Variants in GLIS3 observed in about 807,000 individuals in gnomAD.
GLIS3 encodes the protein GLIS family zinc finger 3, also known as zinc finger protein GLIS3.
In GLIS3, 53 loss-of-function variants were observed where a neutral mutation model predicts 78.6. That is an observed-to-expected ratio of 0.67 (90% CI 0.54 to 0.85). The LOEUF (loss-of-function observed/expected upper bound fraction) is 0.85, where lower values mean the gene tolerates loss of function less well. Among genes scored for constraint, GLIS3 ranks in the 40% least tolerant of loss-of-function variants. The pLI is 0.00. For missense variants in GLIS3, 1,703 were observed against 1,231.1 expected, an observed-to-expected ratio of 1.38 and a Z score of -5.74; for synonymous variants, 684 against 509.9, an observed-to-expected ratio of 1.34 and a Z score of -4.60.
chr9:3,957,006 G>A (rs866793389), intron 4 of GLIS3, among the ~76,000 whole-genome samples: 3 of 152,154 alleles, frequency 2.0e-5, no homozygotes, highest in African/African-American at 7.2e-5. Flanking sequence ...CCTGGAACTC[G>A]CAGCATGGCA....
At chr9:4,008,235 T>C (rs1459460869) in intron 4 of GLIS3, among the ~76,000 whole-genome samples, 1 of 152,108 alleles carries the variant, frequency 6.6e-6, no homozygotes, top group Non-Finnish European at 1.5e-5. Context: ...CAGCAATACA[T>C]CCTGCTTAGC....
At chr9:4,127,701 T>G (rs991957904) in intron 2 of GLIS3, among the ~76,000 whole-genome samples, 3 of 152,230 alleles carry the variant, frequency 2.0e-5, no homozygotes, top group Non-Finnish European at 1.5e-5. Flanking sequence ...GAATGAATTC[T>G]CTATATGAAT....
chr9:4,180,037 C>G (rs1221011273), intron 2 of GLIS3, among the ~76,000 whole-genome samples: 1 of 152,042 alleles, frequency 6.6e-6, no homozygotes, highest in Non-Finnish European at 1.5e-5. Context: ...ATTGTTTATG[C>G]CATTTGACGG....
chr9:4,180,287 A>G (rs1817189926), intron 2 of GLIS3, among the ~76,000 whole-genome samples: 1 of 152,194 alleles, frequency 6.6e-6, no homozygotes, highest in South Asian at 2.1e-4. Context: ...TAGGTCAGCA[A>G]TGATCCTACC....
intron 4 of GLIS3, among the ~76,000 whole-genome samples, chr9:4,041,674 C>G (rs1183775949): frequency 1.3e-5 from 2 of 152,268 alleles, no homozygotes; most frequent in Admixed American, 1.3e-4. Flanking sequence ...TATTTCTGTT[C>G]TCTGGAATCT....
chr9:4,354,079 G>A, the GLIS3 span, among the ~76,000 whole-genome samples: 9 of 150,068 alleles, frequency 6.0e-5, no homozygotes, highest in South Asian at 4.2e-4. Flanking sequence ...CTCGTGATCC[G>A]CCTGCCTCAG....
chr9:4,059,648 C>A (rs1826456547), intron 4 of GLIS3, among the ~76,000 whole-genome samples: 1 of 152,160 alleles, frequency 6.6e-6, no homozygotes, highest in African/African-American at 2.4e-5. Context: ...TTATTCTAAA[C>A]AGCCAACATG....
chr9:4,124,257 C>T (rs1395687617), intron 3 of GLIS3, among the ~76,000 whole-genome samples: 1 of 152,098 alleles, frequency 6.6e-6, no homozygotes, highest in African/African-American at 2.4e-5. Context: ...GTCAGTGAAT[C>T]GTTAAGGTGT....
chr9:4,221,438 A>G (rs1173330324), intron 2 of GLIS3, among the ~76,000 whole-genome samples: 1 of 152,236 alleles, frequency 6.6e-6, no homozygotes, highest in African/African-American at 2.4e-5. Flanking sequence ...CATGTGCAAA[A>G]CACATGTATC....
the GLIS3 span, among the ~76,000 whole-genome samples, chr9:4,406,266 G>T: frequency 1.5e-4 from 23 of 152,314 alleles, no homozygotes; most frequent in African/African-American, 5.3e-4. Flanking sequence ...ATCCCAACTG[G>T]AAAGGAAGAA....
At chr9:4,014,925 G>C (rs761437651) in intron 4 of GLIS3, among the ~76,000 whole-genome samples, 1 of 152,084 alleles carries the variant, frequency 6.6e-6, no homozygotes, top group Non-Finnish European at 1.5e-5. Flanking sequence ...CTCTTTCTGA[G>C]GTCACTGCGC....
chr9:4,447,104 G>A, the GLIS3 span, among the ~76,000 whole-genome samples: 5 of 151,834 alleles, frequency 3.3e-5, no homozygotes, highest in African/African-American at 1.2e-4. Context: ...CTGGAATTCA[G>A]TGGCACAATC....
the GLIS3 span, among the ~76,000 whole-genome samples, chr9:4,365,522 C>T: frequency 1.3e-5 from 2 of 151,850 alleles, no homozygotes; most frequent in Admixed American, 1.3e-4. Flanking sequence ...TGCCACTGCA[C>T]TCCAGCCTGG....
At chr9:4,478,576 A>G in the GLIS3 span, among the ~76,000 whole-genome samples, 5 of 151,756 alleles carry the variant, frequency 3.3e-5, no homozygotes, top group African/African-American at 1.2e-4. Context: ...GTGCCACTGC[A>G]TTCCAGCCTG....
chr9:3,893,436 G>A (rs17693511), intron 7 of GLIS3, among the ~76,000 whole-genome samples: 6,124 of 152,252 alleles, frequency 0.04, 147 homozygotes, highest in Middle Eastern at 0.065. Flanking sequence ...GGGAATCAGA[G>A]TCTTCATTTT....
At chr9:4,254,885 C>T (rs1304106435) in intron 2 of GLIS3, among the ~76,000 whole-genome samples, 1 of 150,694 alleles carries the variant, frequency 6.6e-6, no homozygotes, top group African/African-American at 2.4e-5. Flanking sequence ...TTGTGACAGA[C>T]ACCTTCAAGG....
chr9:4,200,828 C>A (rs923915867), intron 2 of GLIS3, among the ~76,000 whole-genome samples: 1 of 152,154 alleles, frequency 6.6e-6, no homozygotes, highest in Non-Finnish European at 1.5e-5. Flanking sequence ...TCCTGCCTAA[C>A]TCGTTCTATG....
At chr9:4,134,236 G>A (rs989966853) in intron 2 of GLIS3, among the ~76,000 whole-genome samples, 2 of 152,076 alleles carry the variant, frequency 1.3e-5, no homozygotes, top group African/African-American at 4.8e-5. Flanking sequence ...ACTTGCAATT[G>A]AAGTTTTTGC....
intron 1 of GLIS3, among the ~76,000 whole-genome samples, chr9:4,299,134 C>T (rs1030034173): frequency 2.0e-5 from 3 of 152,100 alleles, no homozygotes; most frequent in Non-Finnish European, 4.4e-5. Flanking sequence ...CTTTAAAGCC[C>T]CGTTATCTGT....
Sources: gnomAD v4.1 joint callset for allele counts (sites outside exome capture counted in the v4.1 genomes callset) on GRCh38, gnomAD v4.1.1 for gene constraint, MANE v1.5 for transcripts, NCBI Gene and HGNC (gene_info 2026-07-23, HGNC 2026-07-21) for gene names.